SLTM: variants seen among roughly 807,000 people sequenced by gnomAD.
SLTM encodes the protein SAFB-like transcription modulator.
SLTM carries 43 observed loss-of-function variants against 134.6 expected under a neutral mutation model. That is an observed-to-expected ratio of 0.32 (90% CI 0.25 to 0.41). SLTM has a LOEUF of 0.41. Among genes scored for constraint, SLTM ranks in the 10% least tolerant of loss-of-function variants. The pLI, the probability that SLTM is intolerant of heterozygous loss-of-function variation, is 1.00. For missense variants in SLTM, 1,055 were observed against 1,288.8 expected, an observed-to-expected ratio of 0.82 and a Z score of 2.78; for synonymous variants, 424 against 432.3, an observed-to-expected ratio of 0.98 and a Z score of 0.24.
rs970389173 is a variant in SLTM at position 58,903,192 on chromosome 15, C to T, written c.562-1905G>A. 4.6e-5 allele frequency among the ~76,000 whole-genome samples: 7 copies of T among 152,092 alleles called. No individual in the cohort carries two copies. The East Asian group carries it at 7.7e-4, about 17-fold the overall frequency. Reference sequence around the variant, plus strand: ...TTGGATTACAAGCTGAGCCACCGTACACAGCCTAATTTTTCTATTTTTAGT... The same window carrying T: ...TTGGATTACAAGCTGAGCCACCGTATACAGCCTAATTTTTCTATTTTTAGT... On this transcript the variant is annotated intron_variant, in intron 5 of 20. Coordinates refer to ENST00000380516, the MANE Select transcript of SLTM (RefSeq NM_024755.4).
At chr15:58,910,717 T>G (rs1260193560) in intron 5 of SLTM, among the ~76,000 whole-genome samples, 1 of 151,776 alleles carries the variant, frequency 6.6e-6, no homozygotes, top group Admixed American at 6.6e-5. Context: ...CTCTCTCAAT[T>G]TGAGAGTTAA....
intron 2 of SLTM, among the ~76,000 whole-genome samples, chr15:58,929,998 T>C (rs774506854): frequency 1.3e-5 from 2 of 152,212 alleles, no homozygotes; most frequent in Non-Finnish European, 2.9e-5. Flanking sequence ...AGATTTACAT[T>C]ATATTCTTTG....
intron 5 of SLTM, among the ~76,000 whole-genome samples, chr15:58,910,532 A>G (rs2141105840): frequency 6.6e-6 from 1 of 152,316 alleles, no homozygotes. Flanking sequence ...CTGTTTAAAA[A>G]TTGTTCGTAA....
At chr15:58,912,034 A>C (rs2036307559) in intron 5 of SLTM, among the ~76,000 whole-genome samples, 1 of 152,166 alleles carries the variant, frequency 6.6e-6, no homozygotes, top group Non-Finnish European at 1.5e-5. Flanking sequence ...TAAAACTCTG[A>C]AAATGACAGG....
chr15:58,930,736 T>C (rs1390572226), intron 2 of SLTM, among the ~76,000 whole-genome samples: 1 of 148,266 alleles, frequency 6.7e-6, no homozygotes, highest in Non-Finnish European at 1.5e-5. Context: ...TCATATATGA[T>C]ATATATACAC....
chr15:58,923,258 C>T (rs930944766), intron 2 of SLTM, among the ~76,000 whole-genome samples: 1 of 151,854 alleles, frequency 6.6e-6, no homozygotes, highest in Non-Finnish European at 1.5e-5. Context: ...CTAGGGGGGC[C>T]GATGTGGGAG....
chr15:58,927,947 G>A (rs1217945847), intron 2 of SLTM, among the ~76,000 whole-genome samples: 2 of 152,120 alleles, frequency 1.3e-5, no homozygotes, highest in Non-Finnish European at 2.9e-5. Flanking sequence ...GCTTTACAGA[G>A]TAAACATGTA....
At chr15:58,920,566 T>C (rs1408173979) in intron 2 of SLTM, among the ~76,000 whole-genome samples, 4 of 151,448 alleles carry the variant, frequency 2.6e-5, no homozygotes, top group Non-Finnish European at 5.9e-5. Flanking sequence ...GAGGCTGCAG[T>C]GAGCCAAGAT....
chr15:58,910,774 T>G (rs1442398625), intron 5 of SLTM, among the ~76,000 whole-genome samples: 1 of 147,216 alleles, frequency 6.8e-6, no homozygotes, highest in African/African-American at 2.5e-5. Context: ...AAGACAAGTC[T>G]CGGTCTGTTG....
At position 58,887,352 on chromosome 15, in the gene SLTM, G is replaced by A. The variant is rs763694327; in HGVS notation, c.2564C>T (p.Thr855Met). Residue 855 changes from threonine (T) to methionine (M), a missense_variant, in exon 18 of 21, where the codon ACG becomes ATG. By Grantham distance (81) the Thr-to-Met change is moderately conservative. This residue lies in a region of SLTM where 776 missense variants were observed against 962.2 expected (regional missense o/e 0.81). Transcript: ENST00000380516. Reference sequence around the variant, plus strand: ...ATCAGGCCTGTCATGAATAATCACCGTTCTCCTTTCGTCTCGCTCCCCTCG... The same window carrying A: ...ATCAGGCCTGTCATGAATAATCACCATTCTCCTTTCGTCTCGCTCCCCTCG... ...EVRGERDERRTVIIHDRPDIT... is the reference protein window; with the variant it reads ...EVRGERDERRMVIIHDRPDIT... 19 of 1,613,768 alleles carry A rather than the reference G, an allele frequency of 1.2e-5. No homozygotes were observed. The highest frequency in any genetic ancestry group is 2.2e-5 in the East Asian group (1 of 44,872).
At chr15:58,886,838 T>A in intron 19 of SLTM, 137 bp downstream of exon 19, 1 of 1,049,664 alleles carries the variant, frequency 9.5e-7, no homozygotes, top group East Asian at 2.7e-5. Context: ...AAAATTTAAA[T>A]AAAAAATTAA....
At chr15:58,916,182 T>TC (rs1315738581) in intron 3 of SLTM, among the ~76,000 whole-genome samples, 1 of 150,964 alleles carries the variant, frequency 6.6e-6, no homozygotes, top group Non-Finnish European at 1.5e-5. Flanking sequence ...CTCTCTCTTT[T>TC]TTTTTTTTTT....
chr15:58,902,404 T>TC (rs1555449609), intron 5 of SLTM, among the ~76,000 whole-genome samples: 4 of 150,598 alleles, frequency 2.7e-5, no homozygotes, highest in Non-Finnish European at 5.9e-5. Flanking sequence ...TTTTTTTTTT[T>TC]AAACAGGTTC....
In SLTM at chr15:58,918,779, G is replaced by A. The variant is rs181743024; in HGVS notation, c.251-1780C>T. On this transcript the variant is annotated intron_variant, in intron 2 of 20. Transcript: ENST00000380516. ...TTATCACTAAACTTAATTTGTACAT[G>A]AGAATTTCACATAACAACAAGTCTA... is the stretch of plus-strand genomic sequence containing the variant. 6.6e-4 allele frequency among the ~76,000 whole-genome samples: 100 copies of A among 152,108 alleles called. 1 individual carries two copies. Among genetic ancestry groups the A allele is most frequent in the Admixed American group, 2.1e-3 (32 of 15,266 alleles).
intron 14 of SLTM, among the ~76,000 whole-genome samples, chr15:58,892,258 C>A (rs544136851): frequency 5.3e-5 from 8 of 152,264 alleles, no homozygotes; most frequent in South Asian, 2.1e-4. Flanking sequence ...AACTGACACT[C>A]GTGAACTGTT....
chr15:58,883,964 T>C (rs2033961432), intron 19 of SLTM, among the ~76,000 whole-genome samples, 178 bp from the exon 20 acceptor site: 1 of 151,878 alleles, frequency 6.6e-6, no homozygotes, highest in Non-Finnish European at 1.5e-5. Flanking sequence ...TCAGGCATGG[T>C]ACCCCACACC....
At chr15:58,894,739 C>G (rs1423043766) in intron 9 of SLTM, among the ~76,000 whole-genome samples, 157 bp from the exon 10 acceptor site, 1 of 140,080 alleles carries the variant, frequency 7.1e-6, no homozygotes, top group Non-Finnish European at 1.5e-5. Context: ...GAGTCACACT[C>G]TGTCACGCAG....
chr15:58,888,288 A>G, intron 17 of SLTM, 97 bp downstream of exon 17: 1 of 1,020,698 alleles, frequency 9.8e-7, no homozygotes, highest in Non-Finnish European at 1.4e-6. Context: ...CTGAGCATTC[A>G]GTTCTGACCT....
intron 2 of SLTM, among the ~76,000 whole-genome samples, chr15:58,927,769 C>A (rs1446723567): frequency 6.6e-6 from 1 of 152,132 alleles, no homozygotes; most frequent in Non-Finnish European, 1.5e-5. Context: ...AACAATTATA[C>A]GCCCAAAGTC....
Sources: gnomAD v4.1 joint callset for allele counts (sites outside exome capture counted in the v4.1 genomes callset) on GRCh38, gnomAD v4.1.1 for gene constraint, gnomAD v4.1.1 regional missense constraint, MANE v1.5 for transcripts, NCBI Gene and HGNC (gene_info 2026-07-23, HGNC 2026-07-21) for gene names.